COL4A4: variants seen among roughly 807,000 people sequenced by gnomAD.
COL4A4 encodes collagen type IV alpha 4 chain, also known as collagen alpha-4(IV) chain.
COL4A4 carries 105 observed loss-of-function variants against 192.9 expected under a neutral mutation model. The ratio of observed to expected loss-of-function variants is 0.54; its 90% confidence interval spans 0.46 to 0.64. COL4A4 has a LOEUF of 0.64. COL4A4 is among the 30% of genes least tolerant of loss of function. The pLI, the probability that COL4A4 is intolerant of heterozygous loss-of-function variation, is 0.00. For missense variants in COL4A4, 1,967 were observed against 2,169.3 expected, an observed-to-expected ratio of 0.91 and a Z score of 1.85; for synonymous variants, 762 against 769.9, an observed-to-expected ratio of 0.99 and a Z score of 0.17.
chr2:227,142,174 G>A (rs2063263881), intron 3 of COL4A4, among the ~76,000 whole-genome samples: 1 of 150,622 alleles, frequency 6.6e-6, no homozygotes, highest in Non-Finnish European at 1.5e-5. Context: ...AAAAGCAAGA[G>A]GTGATTTTAG....
At chr2:227,110,219 G>T (rs755657682) in intron 9 of COL4A4, among the ~76,000 whole-genome samples, 20 of 152,124 alleles carry the variant, frequency 1.3e-4, no homozygotes, top group Non-Finnish European at 2.8e-4. Context: ...CAAATGATTG[G>T]GGAGTGTATA....
intron 22 of COL4A4, among the ~76,000 whole-genome samples, chr2:227,085,089 C>T (rs1425658369): frequency 6.6e-6 from 1 of 151,904 alleles, no homozygotes; most frequent in Admixed American, 6.6e-5. Context: ...TGAGATTGCA[C>T]CATTGCACTC....
In COL4A4 at chr2:227,012,632, CA is replaced by C. The variant is rs61163440; in HGVS notation, c.4217-336del. Among the ~76,000 whole-genome samples the C allele has an allele frequency of 4.3e-3, 472 of 110,260 alleles. 6 individuals carry two copies. The highest frequency in any genetic ancestry group is 0.036 in the Middle Eastern group (7 of 196). 72.3% of individuals were successfully genotyped at this position (110,260 alleles called of 152,430 possible). ...TTCATAGTCTTCATATATTTGACTT[CA>C]AAAAAAAAAAAAAAAACTACTGAAC... On this transcript the variant is annotated intron_variant, in intron 44 of 47. Coordinates refer to ENST00000396625, the MANE Select transcript of COL4A4 (RefSeq NM_000092.5).
chr2:227,031,422 G>A (rs1968379179), intron 40 of COL4A4, among the ~76,000 whole-genome samples: 1 of 152,084 alleles, frequency 6.6e-6, no homozygotes, highest in African/African-American at 2.4e-5. Context: ...AAACCTACTT[G>A]GTCAGCTTAG....
intron 3 of COL4A4, among the ~76,000 whole-genome samples, chr2:227,141,488 G>A (rs1372802265): frequency 1.3e-5 from 2 of 152,108 alleles, no homozygotes; most frequent in Non-Finnish European, 2.9e-5. Context: ...ATATGTGTAT[G>A]GGAGGGAAAA....
At chr2:227,090,973 T>C (rs1328749660) in intron 20 of COL4A4, among the ~76,000 whole-genome samples, 1 of 150,078 alleles carries the variant, frequency 6.7e-6, no homozygotes, top group Non-Finnish European at 1.5e-5. Flanking sequence ...CAAGAATCTG[T>C]ACCTCTGGAA....
At chr2:227,141,885 G>T (rs1484121615) in intron 3 of COL4A4, among the ~76,000 whole-genome samples, 1 of 151,924 alleles carries the variant, frequency 6.6e-6, no homozygotes, top group Non-Finnish European at 1.5e-5. Context: ...TGAATACTTG[G>T]GTTCATTTAA....
intron 22 of COL4A4, among the ~76,000 whole-genome samples, chr2:227,086,756 A>G (rs1411951282): frequency 1.3e-5 from 2 of 152,226 alleles, no homozygotes; most frequent in Non-Finnish European, 2.9e-5. Flanking sequence ...AATATTTTAG[A>G]GCCATTAAAA....
chr2:227,102,437 T>C (rs1488674992), intron 15 of COL4A4, among the ~76,000 whole-genome samples: 1 of 152,210 alleles, frequency 6.6e-6, no homozygotes. Flanking sequence ...CTTAATATTG[T>C]ACTTTTTTTC....
intron 35 of COL4A4, among the ~76,000 whole-genome samples, chr2:227,045,858 A>T (rs10205977): frequency 1.3e-5 from 1 of 76,868 alleles, no homozygotes; most frequent in Admixed American, 1.5e-4. Flanking sequence ...ACACATATAT[A>T]TATACACATA....
At chr2:227,021,718 G>C (rs1246886650) in intron 44 of COL4A4, among the ~76,000 whole-genome samples, 1 of 152,072 alleles carries the variant, frequency 6.6e-6, no homozygotes, top group Non-Finnish European at 1.5e-5. Flanking sequence ...CCAGCTACTC[G>C]GGAGGCTGAG....
At chr2:226,975,040 G>A in the COL4A4 span, among the ~76,000 whole-genome samples, 2 of 152,134 alleles carry the variant, frequency 1.3e-5, no homozygotes, top group African/African-American at 4.8e-5. Flanking sequence ...GACTCTTAGT[G>A]GGTAGCAAGG....
At chr2:226,994,517 T>G in the COL4A4 span, among the ~76,000 whole-genome samples, 77 of 152,248 alleles carry the variant, frequency 5.1e-4, no homozygotes, top group African/African-American at 1.8e-3. Flanking sequence ...GAGAGAGCCT[T>G]TCAGTGCAAA....
the COL4A4 span, among the ~76,000 whole-genome samples, chr2:226,986,482 T>G: frequency 1.3e-5 from 2 of 151,980 alleles, no homozygotes; most frequent in Non-Finnish European, 2.9e-5. Context: ...TTAAAAAAAT[T>G]TACAAGAAAA....
chr2:227,101,197 C>T lies in COL4A4; in HGVS notation c.1029+307G>A, dbSNP rs139106115. ...TTTCCCTGTACAAACTCTCTCTTTG[C>T]CTGCTGCCATCCATGTAAGACGTGA... On this transcript the variant is annotated intron_variant, in intron 17 of 47. Transcript: ENST00000396625. 5.1e-3 allele frequency among the ~76,000 whole-genome samples: 781 copies of T among 152,212 alleles called. 1 individual carries two copies. The highest frequency in any genetic ancestry group is 0.018 in the African/African-American group (744 of 41,548).
At chr2:227,119,114 A>G (rs958195963) in intron 6 of COL4A4, among the ~76,000 whole-genome samples, 1 of 151,890 alleles carries the variant, frequency 6.6e-6, no homozygotes, top group Non-Finnish European at 1.5e-5. Flanking sequence ...CTCACTACAA[A>G]TATTAGGACT....
intron 25 of COL4A4, among the ~76,000 whole-genome samples, chr2:227,075,931 A>T (rs2058999820): frequency 6.6e-6 from 1 of 152,062 alleles, no homozygotes; most frequent in Non-Finnish European, 1.5e-5. Context: ...ACTTACAAGG[A>T]ATATGAAGGA....
chr2:227,124,480 T>C (rs532005281), intron 4 of COL4A4, among the ~76,000 whole-genome samples: 55 of 152,358 alleles, frequency 3.6e-4, no homozygotes, highest in African/African-American at 1.3e-3. Context: ...ATCAAAACTA[T>C]ATTTTATAGG....
chr2:227,028,960 G>A (rs1433497619), intron 41 of COL4A4, among the ~76,000 whole-genome samples: 2 of 152,114 alleles, frequency 1.3e-5, no homozygotes, highest in Non-Finnish European at 2.9e-5. Flanking sequence ...GAGTCAAGCG[G>A]AAACTCTGTC....
Sources: allele counts gnomAD v4.1 joint callset (sites outside exome capture counted in the v4.1 genomes callset), GRCh38; gene constraint gnomAD v4.1.1; transcripts MANE v1.5; gene names NCBI Gene and HGNC (gene_info 2026-07-23, HGNC 2026-07-21).